PAICS: variants seen among roughly 807,000 people sequenced by gnomAD.
PAICS encodes bifunctional phosphoribosylaminoimidazole carboxylase/phosphoribosylaminoimidazole succinocarboxamide synthetase.
A neutral mutation model predicts 53.7 loss-of-function variants in PAICS; 33 were observed. That is an observed-to-expected ratio of 0.61 (90% CI 0.47 to 0.82). PAICS has a LOEUF of 0.82. PAICS is among the 40% of genes least tolerant of loss of function. The probability of loss-of-function intolerance (pLI) is 0.00; values close to 1 mark genes in which losing one functional copy is unlikely to be tolerated. For missense variants in PAICS, 394 were observed against 494.1 expected (o/e 0.80, Z 1.92); for synonymous variants, 141 against 167.2 (o/e 0.84, Z 1.21).
At chr4:56,416,994 A>G in the PAICS span, among the ~76,000 whole-genome samples, 24 of 152,048 alleles carry the variant, frequency 1.6e-4, no homozygotes, top group East Asian at 4.5e-3. Context: ...GGATTACAGG[A>G]GCGCACCATC....
chr4:56,429,559 C>A, the PAICS span, among the ~76,000 whole-genome samples: 1 of 152,092 alleles, frequency 6.6e-6, no homozygotes. Context: ...AACCTGAGCT[C>A]CAGTCTCTCT....
rs1578163929 is a variant in PAICS, at chr4:56,459,224, G to T, written c.1112-148G>T. On this transcript the variant is annotated intron_variant, in intron 8 of 8. Transcript: ENST00000512576. ...CTTTACCACTCCGGTATTAAAGACA[G>T]TTGTACAGATTCTACTTTAGATTAG... 3.3e-5 allele frequency: 16 copies of T among 489,114 alleles called. No homozygotes were observed. The East Asian group carries it at 4.9e-4, about 15-fold the overall frequency. The allele number at this position is 489,114 out of a possible 1,614,324, so 30.3% of individuals were successfully genotyped here.
the PAICS span, among the ~76,000 whole-genome samples, chr4:56,429,958 T>C: frequency 6.6e-6 from 1 of 152,150 alleles, no homozygotes; most frequent in African/African-American, 2.4e-5. Flanking sequence ...GAATAGTCCA[T>C]TGTAAAAATA....
intron 3 of PAICS, 88 bp downstream of exon 3, chr4:56,446,961 C>A: frequency 1.2e-6 from 1 of 831,808 alleles, no homozygotes; most frequent in Non-Finnish European, 1.7e-6. Context: ...AATATTCAAG[C>A]AAAGTTTTTG....
chr4:56,446,493 A>G (rs925081335), intron 2 of PAICS: 2 of 683,134 alleles, frequency 2.9e-6, no homozygotes, highest in Non-Finnish European at 5.4e-6. Flanking sequence ...ATGGCTGAAC[A>G]ATACATTGTA....
chr4:56,426,068 A>G, the PAICS span, among the ~76,000 whole-genome samples: 1 of 152,076 alleles, frequency 6.6e-6, no homozygotes, highest in Non-Finnish European at 1.5e-5. Flanking sequence ...TACAATAATC[A>G]CCAGTATCCC....
At chr4:56,456,795 T>C (rs371371762) in intron 8 of PAICS, among the ~76,000 whole-genome samples, 1 of 152,030 alleles carries the variant, frequency 6.6e-6, no homozygotes, top group Non-Finnish European at 1.5e-5. Flanking sequence ...TGTGTTTGTA[T>C]GTTTTTAAAT....
intron 7 of PAICS, 21 bp from the exon 8 acceptor site, chr4:56,453,582 A>C: frequency 1.3e-6 from 2 of 1,544,218 alleles, no homozygotes. Flanking sequence ...TAGCATAATT[A>C]TACTCTTGTC....
rs1297159202 is a variant in PAICS, at chr4:56,459,717, A to T, written c.*179A>T. ...ATGAGCATCTAACCCCTCCTTTCTT[A>T]GGCTAGACACCAAGATATTTCAGCC... On this transcript the variant is annotated 3_prime_UTR_variant, in exon 9 of 9. Transcript: ENST00000512576. The T allele has an allele frequency of 1.9e-6, 1 of 513,886 alleles. No individual in the cohort carries two copies. The highest frequency in any genetic ancestry group is 3.5e-6 in the Non-Finnish European group (1 of 287,760). 31.8% of individuals were successfully genotyped at this position (513,886 alleles called of 1,614,324 possible).
the PAICS span, among the ~76,000 whole-genome samples, chr4:56,417,287 AAAT>A: frequency 6.6e-6 from 1 of 152,344 alleles, no homozygotes; most frequent in East Asian, 1.9e-4. Flanking sequence ...TTTGTAACCT[AAAT>A]AAGAAAAAAA....
chr4:56,414,629 T>C, the PAICS span, among the ~76,000 whole-genome samples: 1 of 152,344 alleles, frequency 6.6e-6, no homozygotes, highest in East Asian at 1.9e-4. Flanking sequence ...AAGAAAAAAT[T>C]ATCTGAAGAG....
chr4:56,415,008 T>G, the PAICS span, among the ~76,000 whole-genome samples: 1 of 152,374 alleles, frequency 6.6e-6, no homozygotes, highest in South Asian at 2.1e-4. Flanking sequence ...TGTTTATTTT[T>G]CATTTGTTTT....
upstream of PAICS, among the ~76,000 whole-genome samples, chr4:56,430,809 A>C (rs549256811): frequency 4.1e-4 from 62 of 152,008 alleles, 1 homozygote; most frequent in Non-Finnish European, 8.4e-4. Context: ...CAGATGAGGA[A>C]ACAGACTCAG....
At chr4:56,439,325 C>A (rs1013232737) in intron 1 of PAICS, among the ~76,000 whole-genome samples, 1 of 152,158 alleles carries the variant, frequency 6.6e-6, no homozygotes, top group Non-Finnish European at 1.5e-5. Flanking sequence ...CAACCTCCGC[C>A]TTTCAGGTTC....
chr4:56,416,069 CAA>C, the PAICS span, among the ~76,000 whole-genome samples: 95,365 of 139,276 alleles, frequency 0.68, 31,559 homozygotes, highest in South Asian at 0.76. Flanking sequence ...GACTCTGTCT[CAA>C]AAAAAAAAAA....
the PAICS span, among the ~76,000 whole-genome samples, chr4:56,427,250 G>A: frequency 3.9e-5 from 6 of 152,180 alleles, no homozygotes; most frequent in East Asian, 1.9e-4. Context: ...ACCCAGAAGC[G>A]AAATTGTTGA....
intron 5 of PAICS, among the ~76,000 whole-genome samples, chr4:56,450,152 C>G (rs555655275): frequency 6.6e-6 from 1 of 152,126 alleles, no homozygotes; most frequent in East Asian, 1.9e-4. Flanking sequence ...AGGGGAACAA[C>G]ACACACCGGG....
the PAICS span, among the ~76,000 whole-genome samples, chr4:56,423,762 ATTATT>A: frequency 1.3e-5 from 2 of 152,124 alleles, no homozygotes; most frequent in African/African-American, 2.4e-5. Flanking sequence ...TAGAGATTAT[ATTATT>A]TTAAACTGTC....
At chr4:56,442,379 C>T (rs1272625732) in intron 2 of PAICS, among the ~76,000 whole-genome samples, 2 of 152,122 alleles carry the variant, frequency 1.3e-5, no homozygotes, top group South Asian at 4.1e-4. Flanking sequence ...CCCAGAGCGC[C>T]CTCCTGTTCA....
Sources: allele counts gnomAD v4.1 joint callset (sites outside exome capture counted in the v4.1 genomes callset), GRCh38; gene constraint gnomAD v4.1.1; transcripts MANE v1.5; gene names NCBI Gene and HGNC (gene_info 2026-07-23, HGNC 2026-07-21).